Variants in GPR149 observed in about 807,000 individuals in gnomAD.
The protein encoded by GPR149 is probable G protein-coupled receptor 149.
GPR149 carries 50 observed loss-of-function variants against 50.2 expected under a neutral mutation model. The ratio of observed to expected loss-of-function variants is 1.00; its 90% CI spans 0.79 to 1.26. GPR149 has a LOEUF of 1.26. Ranked by LOEUF, GPR149 falls within the 50% of genes most tolerant of loss-of-function variation. The pLI is 0.00. For missense variants in GPR149, 983 were observed against 895.4 expected, an observed-to-expected ratio of 1.10 and a Z score of -1.25; for synonymous variants, 405 against 358.2, an observed-to-expected ratio of 1.13 and a Z score of -1.48.
At chr3:154,342,657 C>T (rs1236874977) in intron 3 of GPR149, among the ~76,000 whole-genome samples, 3 of 152,174 alleles carry the variant, frequency 2.0e-5, no homozygotes, top group Non-Finnish European at 4.4e-5. Flanking sequence ...GATTCACCCT[C>T]CTCAGCCTCC....
chr3:154,346,280 AAAAC>A (rs1241763883), intron 3 of GPR149, among the ~76,000 whole-genome samples: 2 of 152,240 alleles, frequency 1.3e-5, no homozygotes, highest in Admixed American at 1.3e-4. Context: ...CTTTGTGAGA[AAAAC>A]AAAAGTAGAT....
intron 3 of GPR149, among the ~76,000 whole-genome samples, chr3:154,388,980 C>A (rs1223029478): frequency 6.6e-6 from 1 of 151,680 alleles, no homozygotes; most frequent in African/African-American, 2.4e-5. Flanking sequence ...GGAGGAAGAG[C>A]AAATGGATTT....
chr3:154,401,266 A>G (rs1407336641), intron 3 of GPR149, among the ~76,000 whole-genome samples: 1 of 152,240 alleles, frequency 6.6e-6, no homozygotes, highest in African/African-American at 2.4e-5. Context: ...AACTAAATAA[A>G]TATTTCTAAA....
intron 3 of GPR149, among the ~76,000 whole-genome samples, chr3:154,377,410 A>G (rs939272571): frequency 1.4e-4 from 21 of 150,444 alleles, no homozygotes; most frequent in Admixed American, 3.3e-4. Context: ...TCTGTCACCC[A>G]GGCTGGAGTG....
intron 3 of GPR149, among the ~76,000 whole-genome samples, chr3:154,347,061 C>A (rs933801798): frequency 2.0e-5 from 3 of 152,096 alleles, no homozygotes; most frequent in African/African-American, 7.2e-5. Context: ...TCACAACAAC[C>A]TTATAAAATA....
intron 3 of GPR149, among the ~76,000 whole-genome samples, chr3:154,389,655 A>G (rs1366866332): frequency 6.6e-6 from 1 of 152,126 alleles, no homozygotes; most frequent in Admixed American, 6.5e-5. Flanking sequence ...AAGAGCTCCC[A>G]GTGTCTCTAT....
At chr3:154,379,750 C>G (rs1576914210) in intron 3 of GPR149, among the ~76,000 whole-genome samples, 1 of 152,224 alleles carries the variant, frequency 6.6e-6, no homozygotes, top group African/African-American at 2.4e-5. Context: ...ACCAATTGCC[C>G]ATAAATGTAA....
intron 2 of GPR149, among the ~76,000 whole-genome samples, chr3:154,424,445 G>A (rs1375342199): frequency 1.3e-5 from 2 of 151,686 alleles, no homozygotes; most frequent in Non-Finnish European, 3.0e-5. Flanking sequence ...TCAAAAAAAT[G>A]GTATCTTTAT....
At chr3:154,341,458 G>A (rs556712454) in intron 3 of GPR149, among the ~76,000 whole-genome samples, 1 of 150,002 alleles carries the variant, frequency 6.7e-6, no homozygotes, top group Non-Finnish European at 1.5e-5. Context: ...TGAATTTTAG[G>A]TAAAAATGTT....
At chr3:154,339,699 G>T (rs1324631391) in intron 3 of GPR149, among the ~76,000 whole-genome samples, 1 of 151,118 alleles carries the variant, frequency 6.6e-6, no homozygotes, top group Non-Finnish European at 1.5e-5. Flanking sequence ...CTCACTATTG[G>T]AGAACAGTTT....
rs781210254 is a variant in GPR149 at position 154,338,258 on chromosome 3, G to T, written c.1637C>A (p.Ala546Asp). The T allele has an allele frequency of 6.4e-7, 1 of 1,564,094 alleles. No homozygotes were observed. Among genetic ancestry groups the T allele is most frequent in the Non-Finnish European group, 8.7e-7 (1 of 1,155,838 alleles). Residue 546 changes from alanine to aspartate, a missense_variant, in exon 4 of 4, where the codon GCC (alanine) becomes GAC (aspartate). Physicochemically the swap from Ala to Asp is moderately radical, Grantham distance 126. Transcript: ENST00000389740. ...GAATGCACACAAGGGAATGGCAAGG[G>T]CATAACCGGAACGCTGGGGACAAAA... The part of the protein sequence containing the change: ...ERTPRQRSGY[A>D]LAIPLCAFQG...
In GPR149 at chr3:154,427,523, C is replaced by G; in HGVS notation, c.1167G>C (p.Gly389=). Residue 389 remains glycine, a synonymous_variant, in exon 2 of 4, where the codon GGG becomes GGC. Coordinates refer to ENST00000389740, the MANE Select transcript of GPR149 (RefSeq NM_001038705.3). ...RQNAYAVASD[G]KKIKRKGFEF... The stretch of plus-strand genomic sequence containing the variant: ...GCAGTGTTGAGGACTTACTTTTTTT[C>G]CCATCGGACGCCACTGCATATGCGT... The G allele has an allele frequency of 6.3e-7, 1 of 1,599,382 alleles. No individual in the cohort carries two copies. Among genetic ancestry groups the G allele is most frequent in the Non-Finnish European group, 8.5e-7 (1 of 1,175,236 alleles).
At chr3:154,379,619 T>G (rs936472874) in intron 3 of GPR149, among the ~76,000 whole-genome samples, 2 of 152,132 alleles carry the variant, frequency 1.3e-5, no homozygotes, top group African/African-American at 2.4e-5. Context: ...TTGTGTATAG[T>G]ATGAGGAAAG....
intron 3 of GPR149, among the ~76,000 whole-genome samples, chr3:154,371,005 T>C (rs1714651981): frequency 6.6e-6 from 1 of 152,094 alleles, no homozygotes; most frequent in Non-Finnish European, 1.5e-5. Context: ...AACTTTGAGG[T>C]ATGGGCCTTA....
In GPR149 at chr3:154,420,397, G is replaced by A. The variant is rs181439445; in HGVS notation, c.1623+642C>T. 2.6e-4 allele frequency among the ~76,000 whole-genome samples: 40 copies of A among 152,052 alleles called. 1 individual carries two copies. In the East Asian group the frequency reaches 7.3e-3, roughly 28 times the overall value. On this transcript the variant is annotated intron_variant, in intron 3 of 3. Transcript: ENST00000389740. Reference sequence around the variant, plus strand: ...TTTGGAAGGCTGAGATCTAGGAAAGGATGAGAAATTCATGTGCAAATTCTT... The same window carrying A: ...TTTGGAAGGCTGAGATCTAGGAAAGAATGAGAAATTCATGTGCAAATTCTT...
intron 3 of GPR149, among the ~76,000 whole-genome samples, chr3:154,389,607 C>T (rs1260596380): frequency 1.3e-5 from 2 of 152,022 alleles, no homozygotes; most frequent in African/African-American, 4.8e-5. Context: ...CATGAAGCAG[C>T]CCAGCTCAGC....
chr3:154,391,057 ATGCTAAAGGAAGTTC>A (rs1715158571), intron 3 of GPR149, among the ~76,000 whole-genome samples: 1 of 152,250 alleles, frequency 6.6e-6, no homozygotes, highest in Admixed American at 6.5e-5. Context: ...CTAACAAGAA[ATGCTAAAGGAAGTTC>A]TTCAAGTTGA....
rs1367392549 is a variant in GPR149, at chr3:154,335,074, G to A, written c.*2625C>T. 6.6e-6 allele frequency: 1 copy of A among 151,840 alleles called. No homozygotes were observed. Among genetic ancestry groups the A allele is most frequent in the Non-Finnish European group, 1.5e-5 (1 of 67,960 alleles). 9.4% of individuals were successfully genotyped at this position (151,840 alleles called of 1,614,324 possible). ...ATATATTAGGTGTTTATACTATTTG[G>A]GAGTCTCGGGGATTACGTGTTTGCA... is the stretch of plus-strand genomic sequence containing the variant. On this transcript the variant is annotated 3_prime_UTR_variant, in exon 4 of 4. Transcript: ENST00000389740.
intron 3 of GPR149, among the ~76,000 whole-genome samples, chr3:154,362,952 A>C (rs1714448418): frequency 1.3e-5 from 2 of 152,230 alleles, no homozygotes; most frequent in Non-Finnish European, 2.9e-5. Context: ...ATTACACATG[A>C]GATCACTTGA....
Sources: gnomAD v4.1 joint callset for allele counts (sites outside exome capture counted in the v4.1 genomes callset) on GRCh38, gnomAD v4.1.1 for gene constraint, MANE v1.5 for transcripts, NCBI Gene and HGNC (gene_info 2026-07-23, HGNC 2026-07-21) for gene names.